The following FAF1 variants were observed in gnomAD, a reference collection of about 807,000 sequenced individuals.
FAF1 encodes the protein Fas associated factor 1.
Under a neutral mutation model 92.5 loss-of-function variants are expected in FAF1, and 25 were observed. The ratio of observed to expected loss-of-function variants is 0.27; its 90% CI spans 0.20 to 0.38. The LOEUF is 0.38. FAF1 is among the 10% of genes least tolerant of loss of function. The probability of loss-of-function intolerance (pLI) is 1.00; values close to 1 mark genes in which losing one functional copy is unlikely to be tolerated. For synonymous variants in FAF1, 234 were observed against 273.2 expected (o/e 0.86, Z 1.42); for missense variants, 636 against 793.3 (o/e 0.80, Z 2.38).
chr1:50,608,566 A>G (rs1406462837), intron 8 of FAF1, among the ~76,000 whole-genome samples: 2 of 152,166 alleles, frequency 1.3e-5, no homozygotes, highest in Non-Finnish European at 2.9e-5. Context: ...AATGAGTACA[A>G]CGGATGAGGG....
At chr1:50,627,635 T>C (rs779429623) in intron 8 of FAF1, among the ~76,000 whole-genome samples, 3 of 152,074 alleles carry the variant, frequency 2.0e-5, no homozygotes, top group Non-Finnish European at 4.4e-5. Context: ...ATTCATAATA[T>C]ATAATGTTCA....
chr1:50,528,011 C>T (rs1217007967), intron 15 of FAF1, among the ~76,000 whole-genome samples: 1 of 151,994 alleles, frequency 6.6e-6, no homozygotes, highest in African/African-American at 2.4e-5. Context: ...GCTGGGACTA[C>T]ACCACCATAC....
intron 8 of FAF1, among the ~76,000 whole-genome samples, chr1:50,635,405 A>C (rs907864970): frequency 6.6e-6 from 1 of 151,988 alleles, no homozygotes; most frequent in Non-Finnish European, 1.5e-5. Context: ...ACACTGTCCT[A>C]CTCCAGAGTA....
chr1:50,852,338 A>G (rs949010032), intron 2 of FAF1, among the ~76,000 whole-genome samples: 1 of 152,222 alleles, frequency 6.6e-6, no homozygotes, highest in Non-Finnish European at 1.5e-5. Context: ...CAATAGAGAA[A>G]GAACAGACCT....
At chr1:50,511,310 T>A (rs1037423240) in intron 15 of FAF1, among the ~76,000 whole-genome samples, 3 of 152,064 alleles carry the variant, frequency 2.0e-5, no homozygotes, top group Non-Finnish European at 4.4e-5. Flanking sequence ...GTTTGTAACA[T>A]AGGTATACAC....
Position 50,708,085 on chromosome 1 carries a change from G to T in FAF1, c.552-2194C>A, listed in dbSNP as rs556933530. ...AGCCTCACAAAGTGCTGGGGTTACA[G>T]GTGTGAGCCACAGCGCCCGGCCCGC... On this transcript the variant is annotated intron_variant, in intron 6 of 18. Transcript: ENST00000396153. Among the ~76,000 whole-genome samples, 6 of 152,298 alleles carry T rather than the reference G, an allele frequency of 3.9e-5. No homozygotes were observed. In the South Asian group the frequency reaches 1.2e-3, roughly 32 times the overall value.
chr1:50,584,266 T>C (rs1229519119), intron 10 of FAF1, among the ~76,000 whole-genome samples: 2 of 152,108 alleles, frequency 1.3e-5, no homozygotes, highest in Non-Finnish European at 2.9e-5. Context: ...ATGGTACATT[T>C]AGTTTACTTT....
chr1:50,718,717 T>C (rs1658290458), intron 6 of FAF1, among the ~76,000 whole-genome samples: 1 of 152,214 alleles, frequency 6.6e-6, no homozygotes, highest in Non-Finnish European at 1.5e-5. Flanking sequence ...TTTTAAAATG[T>C]GGTATTGAAT....
intron 1 of FAF1, among the ~76,000 whole-genome samples, chr1:50,902,553 A>T (rs1644804179): frequency 6.6e-6 from 1 of 152,164 alleles, no homozygotes; most frequent in Non-Finnish European, 1.5e-5. Context: ...GTACTGCCCT[A>T]AACTCACCTC....
rs368898912 is a variant in FAF1, at chr1:50,952,441, G to A, written c.45+7326C>T. ...GTTGCCCAGGCTGGAGTGCAGTGGCGTGATCTCGGCTCGCTACAACCTCCA... is the reference window on the plus strand; with the variant it reads ...GTTGCCCAGGCTGGAGTGCAGTGGCATGATCTCGGCTCGCTACAACCTCCA... On this transcript the variant is annotated intron_variant, in intron 1 of 18. Coordinates refer to ENST00000396153, the MANE Select transcript of FAF1 (RefSeq NM_007051.3). 1.0e-2 allele frequency among the ~76,000 whole-genome samples: 1,516 copies of A among 152,298 alleles called. 23 individuals are homozygous for A. Among genetic ancestry groups the A allele is most frequent in the African/African-American group, 0.035 (1,438 of 41,554 alleles).
chr1:50,775,657 A>G (rs764900534), intron 4 of FAF1, among the ~76,000 whole-genome samples: 1 of 152,160 alleles, frequency 6.6e-6, no homozygotes, highest in Non-Finnish European at 1.5e-5. Context: ...GGGCAACTAT[A>G]TAGAAAAGAT....
intron 18 of FAF1, among the ~76,000 whole-genome samples, chr1:50,458,103 C>T (rs1451359631): frequency 1.3e-5 from 2 of 151,916 alleles, no homozygotes; most frequent in Non-Finnish European, 2.9e-5. Context: ...ATCCCAGCTA[C>T]TTGGGAGACT....
At chr1:50,448,434 G>A (rs1053703644) in intron 18 of FAF1, among the ~76,000 whole-genome samples, 1 of 152,124 alleles carries the variant, frequency 6.6e-6, no homozygotes, top group Non-Finnish European at 1.5e-5. Context: ...ACTCTTGTTG[G>A]GGGAAGTATT....
chr1:50,757,675 A>AC (rs1660131697), intron 4 of FAF1, among the ~76,000 whole-genome samples: 1 of 152,082 alleles, frequency 6.6e-6, no homozygotes, highest in Non-Finnish European at 1.5e-5. Flanking sequence ...TATCATACAA[A>AC]CGGGTTTCCC....
At chr1:50,694,120 T>C (rs1302272527) in intron 7 of FAF1, among the ~76,000 whole-genome samples, 1 of 140,462 alleles carries the variant, frequency 7.1e-6, no homozygotes, top group Non-Finnish European at 1.5e-5. Context: ...CAGCAGCCTT[T>C]AAAAATACCT....
intron 15 of FAF1, among the ~76,000 whole-genome samples, chr1:50,524,099 G>A (rs549176370): frequency 2.6e-5 from 4 of 151,924 alleles, no homozygotes; most frequent in African/African-American, 9.7e-5. Context: ...TGACTGGTGT[G>A]AGAAGGTATC....
chr1:50,862,319 T>C (rs1393157413), intron 1 of FAF1, among the ~76,000 whole-genome samples: 1 of 151,730 alleles, frequency 6.6e-6, no homozygotes, highest in Non-Finnish European at 1.5e-5. Flanking sequence ...AACATACTTA[T>C]AGAGCTAAAA....
intron 1 of FAF1, among the ~76,000 whole-genome samples, chr1:50,895,790 C>A (rs1056183339): frequency 2.6e-5 from 4 of 151,972 alleles, no homozygotes; most frequent in Non-Finnish European, 5.9e-5. Flanking sequence ...AGGACAAAAA[C>A]CATATGTTCA....
intron 8 of FAF1, among the ~76,000 whole-genome samples, chr1:50,620,824 A>T (rs1653161303): frequency 1.3e-5 from 2 of 152,238 alleles, no homozygotes; most frequent in African/African-American, 4.8e-5. Context: ...ACTTTCTTGC[A>T]TTCTCAGGTG....
Sources: allele counts gnomAD v4.1 joint callset (sites outside exome capture counted in the v4.1 genomes callset), GRCh38; gene constraint gnomAD v4.1.1; transcripts MANE v1.5; gene names NCBI Gene and HGNC (gene_info 2026-07-23, HGNC 2026-07-21).